Variants in RIMS1 observed in about 807,000 individuals in gnomAD.
RIMS1 encodes the protein regulating synaptic membrane exocytosis 1, also known as regulating synaptic membrane exocytosis protein 1.
A neutral mutation model predicts 214.1 loss-of-function variants in RIMS1; 83 were observed. That is an observed-to-expected ratio of 0.39 (90% CI 0.32 to 0.47). The LOEUF is 0.47. RIMS1 is among the 20% of genes least tolerant of loss of function. The pLI is 0.99. For missense variants in RIMS1, 2,050 were observed against 2,161.8 expected (o/e 0.95, Z 1.03); for synonymous variants, 793 against 786.8 (o/e 1.01, Z -0.13).
In RIMS1 at chr6:72,258,082, A is replaced by T. The variant is rs755103797; in HGVS notation, c.2771-43A>T. 14 of 1,559,556 alleles carry T rather than the reference A, an allele frequency of 9.0e-6. No individual in the cohort carries two copies. The South Asian group carries it at 1.6e-4, about 18-fold the overall frequency. The stretch of plus-strand genomic sequence containing the variant: ...ATTCCTGTGTTAATGTTTGCATTAT[A>T]GAAGAATACTGACTAAATTTTTTCT... On this transcript the variant is annotated intron_variant, in intron 16 of 33. Coordinates refer to ENST00000521978, the MANE Select transcript of RIMS1 (RefSeq NM_014989.7).
chr6:72,121,818 A>G (rs1483112841), intron 4 of RIMS1, among the ~76,000 whole-genome samples: 1 of 151,850 alleles, frequency 6.6e-6, no homozygotes, highest in East Asian at 1.9e-4. Context: ...TTATTTTGAG[A>G]TATGTCCTAT....
At chr6:72,028,470 A>G (rs1178671959) in intron 2 of RIMS1, among the ~76,000 whole-genome samples, 1 of 152,202 alleles carries the variant, frequency 6.6e-6, no homozygotes, top group East Asian at 1.9e-4. Flanking sequence ...TTGGAAATCT[A>G]GAATCTGCCA....
At chr6:71,925,874 TC>T (rs1781430588) in intron 1 of RIMS1, among the ~76,000 whole-genome samples, 1 of 152,248 alleles carries the variant, frequency 6.6e-6, no homozygotes, top group Admixed American at 6.5e-5. Flanking sequence ...ACAGGTATTA[TC>T]CCTGTGGATT....
intron 1 of RIMS1, among the ~76,000 whole-genome samples, chr6:71,926,677 A>G (rs930042725): frequency 4.6e-5 from 7 of 152,196 alleles, no homozygotes; most frequent in African/African-American, 1.4e-4. Context: ...GAACAAACCT[A>G]TTATAGAATT....
intron 2 of RIMS1, among the ~76,000 whole-genome samples, chr6:72,087,262 A>C (rs1467990821): frequency 6.6e-6 from 1 of 152,254 alleles, no homozygotes; most frequent in Non-Finnish European, 1.5e-5. Flanking sequence ...TCCCTAAAGA[A>C]CTGAGAGTCC....
intron 2 of RIMS1, among the ~76,000 whole-genome samples, chr6:72,043,198 A>G (rs1450108729): frequency 6.6e-6 from 1 of 151,630 alleles, no homozygotes. Context: ...GATCACTTAC[A>G]TCACTGACAC....
intron 2 of RIMS1, among the ~76,000 whole-genome samples, chr6:72,022,108 G>A (rs983831793): frequency 6.6e-6 from 1 of 152,174 alleles, no homozygotes; most frequent in African/African-American, 2.4e-5. Flanking sequence ...AGGAGTGAAA[G>A]TGAAAAGAAC....
intron 1 of RIMS1, among the ~76,000 whole-genome samples, chr6:71,944,892 T>C (rs1787310664): frequency 6.6e-6 from 1 of 152,188 alleles, no homozygotes; most frequent in Non-Finnish European, 1.5e-5. Flanking sequence ...TATTTAGACA[T>C]TGCGTTGTTA....
In RIMS1 at chr6:72,271,286, A is replaced by AATAT. The variant is rs1222564699; in HGVS notation, c.3399-3036_3399-3033dup. On this transcript the variant is annotated intron_variant, in intron 22 of 33. Coordinates refer to ENST00000521978, the MANE Select transcript of RIMS1 (RefSeq NM_014989.7). The stretch of plus-strand genomic sequence containing the variant: ...ATCTCAAGGAAAAAAAAAAAAAAAA[A>AATAT]ATATATATATATATATATATATATA... Among the ~76,000 whole-genome samples, 201 of 44,300 alleles carry AATAT rather than the reference A, an allele frequency of 4.5e-3. 3 individuals are homozygous for AATAT. Among genetic ancestry groups the AATAT allele is most frequent in the South Asian group, 0.012 (14 of 1,122 alleles). 29.1% of individuals were successfully genotyped at this position (44,300 alleles called of 152,430 possible). A position where few individuals can be genotyped will look rare whatever the true frequency, so the allele number is the denominator to read the frequency against.
At chr6:72,120,111 C>A (rs1396576806) in intron 4 of RIMS1, among the ~76,000 whole-genome samples, 4 of 151,820 alleles carry the variant, frequency 2.6e-5, no homozygotes, top group Admixed American at 6.6e-5. Context: ...TCCCAATAAA[C>A]ATATGTGTGC....
At chr6:72,244,010 G>T (rs1177278227) in intron 10 of RIMS1, among the ~76,000 whole-genome samples, 2 of 150,662 alleles carry the variant, frequency 1.3e-5, no homozygotes, top group Non-Finnish European at 3.0e-5. Flanking sequence ...TGTTACCCAG[G>T]CTGGAAAGCT....
rs750728458 is a variant in RIMS1 at position 72,398,355 on chromosome 6, G to A, written c.4720+5G>A. 6.4e-7 allele frequency: 1 copy of A among 1,567,070 alleles called. No homozygotes were observed. The highest frequency in any genetic ancestry group is 1.2e-5 in the South Asian group (1 of 85,076). On this transcript the variant is annotated splice_donor_5th_base_variant and intron_variant, in intron 32 of 33. Coordinates refer to ENST00000521978, the MANE Select transcript of RIMS1 (RefSeq NM_014989.7). ...CTGGTTCCAAATCTACACCTGGTAA[G>A]GAGAAGTATTCCTGAATTTGGTGAA...
chr6:72,377,280 A>C (rs910335619), intron 29 of RIMS1, among the ~76,000 whole-genome samples: 5 of 152,046 alleles, frequency 3.3e-5, no homozygotes, highest in African/African-American at 9.7e-5. Flanking sequence ...TGCCACTTGG[A>C]ATTTAGGGTG....
chr6:72,027,743 TAAC>T (rs1364925914), intron 2 of RIMS1, among the ~76,000 whole-genome samples: 1 of 152,080 alleles, frequency 6.6e-6, no homozygotes, highest in African/African-American at 2.4e-5. Context: ...ATTAATCCAA[TAAC>T]AACAGTTTCA....
chr6:71,894,534 C>T (rs1771039917), intron 1 of RIMS1, among the ~76,000 whole-genome samples: 1 of 152,108 alleles, frequency 6.6e-6, no homozygotes, highest in African/African-American at 2.4e-5. Context: ...AATTTCAAAA[C>T]ATTTTTCAAA....
chr6:72,313,802 T>C (rs964067521), intron 28 of RIMS1, 130 bp downstream of exon 28: 12 of 885,582 alleles, frequency 1.4e-5, no homozygotes, highest in Non-Finnish European at 2.0e-5. Context: ...GACTACTATG[T>C]AGTATTGCCA....
chr6:72,266,694 C>G (rs1284570484), intron 22 of RIMS1, among the ~76,000 whole-genome samples: 1 of 152,056 alleles, frequency 6.6e-6, no homozygotes, highest in Non-Finnish European at 1.5e-5. Context: ...CTGATATATT[C>G]ATTGATGTTG....
At chr6:72,196,179 G>A (rs1041035478) in intron 6 of RIMS1, among the ~76,000 whole-genome samples, 3 of 151,828 alleles carry the variant, frequency 2.0e-5, no homozygotes, top group Admixed American at 2.0e-4. Context: ...TCATAGTCCT[G>A]GTATTTTTTC....
chr6:72,374,626 C>T (rs950839232), intron 29 of RIMS1, among the ~76,000 whole-genome samples: 3 of 152,066 alleles, frequency 2.0e-5, no homozygotes, highest in African/African-American at 7.2e-5. Context: ...GAGTATTTTG[C>T]GTTAAAACAG....
Sources: allele counts gnomAD v4.1 joint callset (sites outside exome capture counted in the v4.1 genomes callset), GRCh38; gene constraint gnomAD v4.1.1; transcripts MANE v1.5; gene names NCBI Gene and HGNC (gene_info 2026-07-23, HGNC 2026-07-21).